Variants in NAMPT observed in about 807,000 individuals in gnomAD.
NAMPT encodes the protein nicotinamide phosphoribosyltransferase.
Under a neutral mutation model 58.7 loss-of-function variants are expected in NAMPT, and 7 were observed. The ratio of observed to expected loss-of-function variants is 0.12; its 90% CI spans 0.07 to 0.22. The LOEUF (loss-of-function observed/expected upper bound fraction) is 0.22. Among genes scored for constraint, NAMPT ranks in the 10% least tolerant of loss-of-function variants. NAMPT has a pLI of 1.00. For synonymous variants in NAMPT, 145 were observed against 198.1 expected (o/e 0.73, Z 2.25); for missense variants, 271 against 567.9 (o/e 0.48, Z 5.31).
At chr7:106,269,853 G>T (rs1361964863) in intron 4 of NAMPT, among the ~76,000 whole-genome samples, 1 of 152,136 alleles carries the variant, frequency 6.6e-6, no homozygotes, top group Non-Finnish European at 1.5e-5. Context: ...GGTAGTCTCA[G>T]ATCTAATTTT....
intron 2 of NAMPT, chr7:106,275,432 G>C (rs1357468318): frequency 6.5e-6 from 1 of 154,212 alleles, no homozygotes; most frequent in Non-Finnish European, 1.4e-5. Context: ...GGCATCTTTA[G>C]GGTTGGTAAG....
At chr7:106,251,314 G>A (rs1792100092) in intron 10 of NAMPT, 121 bp from the exon 11 acceptor site, 1 of 665,776 alleles carries the variant, frequency 1.5e-6, no homozygotes, top group Middle Eastern at 2.5e-4. Context: ...TTCAAATTGT[G>A]AGATGATTTG....
chr7:106,257,894 GGT>G (rs34473858), intron 8 of NAMPT, among the ~76,000 whole-genome samples: 3 of 151,314 alleles, frequency 2.0e-5, no homozygotes, highest in South Asian at 2.1e-4. Flanking sequence ...AAGGGGGAGG[GGT>G]GTGTGTGTGT....
At chr7:106,259,858 CA>C (rs1427250662) in intron 8 of NAMPT, among the ~76,000 whole-genome samples, 1 of 150,058 alleles carries the variant, frequency 6.7e-6, no homozygotes, top group Non-Finnish European at 1.5e-5. Flanking sequence ...ATGCCATCTG[CA>C]ATGATATTTC....
intron 3 of NAMPT, among the ~76,000 whole-genome samples, chr7:106,274,685 T>C (rs1308960312): frequency 1.3e-5 from 2 of 152,038 alleles, no homozygotes; most frequent in African/African-American, 4.8e-5. Flanking sequence ...TAAAACCCCA[T>C]CTCTACTAAA....
Position 106,264,195 on chromosome 7 carries a change from A to C in NAMPT, c.744-578T>G, listed in dbSNP as rs550643564. 1.4e-3 allele frequency among the ~76,000 whole-genome samples: 214 copies of C among 152,210 alleles called. 1 individual carries two copies. Among genetic ancestry groups the C allele is most frequent in the African/African-American group, 4.3e-3 (177 of 41,568 alleles). On this transcript the variant is annotated intron_variant, in intron 6 of 10. Transcript: ENST00000222553. The stretch of plus-strand genomic sequence containing the variant: ...TATTTTCAAGTGGCTAGTAATAGGA[A>C]GTCATGTATTTTGTTTGCAGATTAT...
At chr7:106,270,119 C>G (rs1474545366) in intron 4 of NAMPT, 3 of 211,122 alleles carry the variant, frequency 1.4e-5, no homozygotes, top group African/African-American at 7.1e-5. Flanking sequence ...CTGATAAGAA[C>G]AGTTCCTTGA....
chr7:106,278,450 G>A (rs1792694181), intron 1 of NAMPT, among the ~76,000 whole-genome samples: 1 of 152,092 alleles, frequency 6.6e-6, no homozygotes, highest in Non-Finnish European at 1.5e-5. Flanking sequence ...ACAACAGATA[G>A]TGATATACTA....
chr7:106,272,107 C>A, intron 4 of NAMPT: 1 of 388,252 alleles, frequency 2.6e-6, no homozygotes, highest in Admixed American at 4.0e-5. Flanking sequence ...AAGACCTAAA[C>A]TGATGAGAGA....
intron 5 of NAMPT, among the ~76,000 whole-genome samples, chr7:106,268,892 C>T (rs1370390614): frequency 6.6e-6 from 1 of 152,130 alleles, no homozygotes; most frequent in Admixed American, 6.6e-5. Flanking sequence ...TTCTTTATGG[C>T]ATTATTTCAC....
chr7:106,253,337 G>A (rs557873951), intron 9 of NAMPT, 186 bp from the exon 10 acceptor site: 170 of 576,872 alleles, frequency 2.9e-4, no homozygotes, highest in African/African-American at 1.0e-3. Context: ...AAGGATAGTC[G>A]TTTGTAATAA....
intron 6 of NAMPT, among the ~76,000 whole-genome samples, chr7:106,266,164 C>T (rs143958947): frequency 6.6e-6 from 1 of 152,288 alleles, no homozygotes; most frequent in African/African-American, 2.4e-5. Context: ...TGCTATACTA[C>T]GCTGTTGTTT....
upstream of NAMPT, chr7:106,285,140 C>G (rs979157128): frequency 7.8e-7 from 1 of 1,279,966 alleles, no homozygotes; most frequent in Non-Finnish European, 9.9e-7. Flanking sequence ...CTCGGTTCCC[C>G]CGCCTTCACC....
At chr7:106,274,847 T>G (rs976799647) in intron 3 of NAMPT, 99 bp downstream of exon 3, 1 of 772,298 alleles carries the variant, frequency 1.3e-6, no homozygotes, top group African/African-American at 1.8e-5. Flanking sequence ...AGAGTGACAC[T>G]TTCTCTCAAA....
chr7:106,274,890 A>G (rs1453963668), intron 3 of NAMPT, 56 bp downstream of exon 3: 1 of 1,105,846 alleles, frequency 9.0e-7, no homozygotes, highest in Non-Finnish European at 1.3e-6. Flanking sequence ...CCTTTGCAAG[A>G]AGTTTTGAAC....
At position 106,275,031 on chromosome 7, in the gene NAMPT, T is replaced by A. The variant is rs1792605737; in HGVS notation, c.233A>T (p.Glu78Val). The A allele has an allele frequency of 6.2e-7, 1 of 1,608,710 alleles. No homozygotes were observed. Among genetic ancestry groups the A allele is most frequent in the Admixed American group, 1.7e-5 (1 of 59,946 alleles). ...KYLKGKVVTKEKIQEAKDVYK... is the reference protein window; with the variant it reads ...KYLKGKVVTKVKIQEAKDVYK... ...GACATCTTTGGCTTCCTGGATTTTC[T>A]CTTTGGTTACTACTTTACCTAGAAG... The change falls in exon 3 of 11, where the codon GAG (glutamate) becomes GTG (valine). Residue 78 changes from glutamate (E) to valine (V), a missense_variant. Glu to Val is a moderately radical substitution (Grantham distance 121, BLOSUM62 -2). Coordinates refer to ENST00000222553, the MANE Select transcript of NAMPT (RefSeq NM_005746.3).
rs555156509 is a variant in NAMPT, at chr7:106,280,436, A to AAAG, written c.58-3260_58-3258dup. On this transcript the variant is annotated intron_variant, in intron 1 of 10. Transcript: ENST00000222553. ...TCATAGTATTCTAAAGTTAACACAG[A>AAAG]AAGCTCTTAAATCATGTTAACTTTT... 3.0e-3 allele frequency among the ~76,000 whole-genome samples: 461 copies of AAAG among 152,350 alleles called. 4 individuals carry two copies. The highest frequency in any genetic ancestry group is 0.011 in the African/African-American group (437 of 41,572).
At chr7:106,253,683 C>G (rs1792143685) in intron 9 of NAMPT, 1 of 153,922 alleles carries the variant, frequency 6.5e-6, no homozygotes, top group Non-Finnish European at 1.4e-5. Flanking sequence ...AACCTGAAGA[C>G]AGCAGAGTGT....
chr7:106,269,218 C>T lies in NAMPT; in HGVS notation c.542G>A (p.Gly181Asp). 3.1e-6 allele frequency: 5 copies of T among 1,613,494 alleles called. No individual in the cohort carries two copies. The highest frequency in any genetic ancestry group is 3.4e-6 in the Non-Finnish European group (4 of 1,179,728). Reference sequence around the variant, plus strand: ...CTTGTATTCCAGACCATCTAAGTTACCAGAAGTTTCTAACAAATATTTGGC... The same window carrying T: ...CTTGTATTCCAGACCATCTAAGTTATCAGAAGTTTCTAACAAATATTTGGC... ...ILAKYLLETS[G>D]NLDGLEYKLH... Residue 181 changes from glycine to aspartate, a missense_variant, in exon 5 of 11, where the codon GGT becomes GAT. By Grantham distance (94) the Gly-to-Asp change is moderately conservative. This residue lies in a region of NAMPT where 103 missense variants were observed against 194.2 expected (regional missense o/e 0.53). Coordinates refer to ENST00000222553, the MANE Select transcript of NAMPT (RefSeq NM_005746.3).
Sources: gnomAD v4.1 joint callset for allele counts (sites outside exome capture counted in the v4.1 genomes callset) on GRCh38, gnomAD v4.1.1 for gene constraint, gnomAD v4.1.1 regional missense constraint, MANE v1.5 for transcripts, NCBI Gene and HGNC (gene_info 2026-07-23, HGNC 2026-07-21) for gene names.